ENO4: variants seen among roughly 807,000 people sequenced by gnomAD.
The protein encoded by ENO4 is 2-phospho-D-glycerate hydro-lyase.
In ENO4, 53 loss-of-function variants were observed where a neutral mutation model predicts 63.2. The ratio of observed to expected loss-of-function variants is 0.84; its 90% confidence interval spans 0.67 to 1.05. ENO4 has a LOEUF of 1.05. Ranked by LOEUF, ENO4 falls within the 50% of genes least tolerant of loss-of-function variation. The pLI, the probability that ENO4 is intolerant of heterozygous loss-of-function variation, is 0.00. For missense variants in ENO4, 719 were observed against 772.0 expected (o/e 0.93, Z 0.81); for synonymous variants, 266 against 283.8 (o/e 0.94, Z 0.63).
chr10:116,856,460 G>A (rs1846259972), intron 2 of ENO4, 32 bp from the exon 3 acceptor site: 2 of 1,512,160 alleles, frequency 1.3e-6, no homozygotes, highest in South Asian at 2.4e-5. Context: ...GAGAGGTAGG[G>A]AAAGTGTTGA....
intron 10 of ENO4, among the ~76,000 whole-genome samples, chr10:116,904,896 A>G (rs1847900422): frequency 6.6e-6 from 1 of 152,198 alleles, no homozygotes; most frequent in Admixed American, 6.5e-5. Flanking sequence ...GCACATCAAC[A>G]AAGTCCTTAA....
chr10:116,868,997 G>T (rs1846618448), intron 8 of ENO4, among the ~76,000 whole-genome samples: 1 of 152,190 alleles, frequency 6.6e-6, no homozygotes, highest in Non-Finnish European at 1.5e-5. Context: ...TAGGGGAAGT[G>T]TTTGGGAAGT....
chr10:116,895,170 T>C lies in ENO4; in HGVS notation c.1194+15184T>C, dbSNP rs150267863. ...GTGATTCACCTTTGTATTATCATATTATCATTTAGTAAAAGCATCTTTCTA... is the reference window on the plus strand; with the variant it reads ...GTGATTCACCTTTGTATTATCATATCATCATTTAGTAAAAGCATCTTTCTA... On this transcript the variant is annotated intron_variant, in intron 10 of 10. Coordinates refer to the ENO4 transcript ENST00000369207. Among the ~76,000 whole-genome samples, 3 of 152,348 alleles carry C rather than the reference T, an allele frequency of 2.0e-5. No individual in the cohort carries two copies. In the East Asian group the frequency reaches 5.8e-4, roughly 29 times the overall value.
chr10:116,899,128 C>T (rs1847628566), intron 10 of ENO4, among the ~76,000 whole-genome samples: 1 of 152,054 alleles, frequency 6.6e-6, no homozygotes. Flanking sequence ...GTGTGTAAGA[C>T]ACACCAGTAG....
chr10:116,853,768 G>A (rs1159257891), intron 1 of ENO4, among the ~76,000 whole-genome samples: 5 of 152,118 alleles, frequency 3.3e-5, no homozygotes, highest in South Asian at 2.1e-4. Flanking sequence ...AAGAATCCAC[G>A]GATAGCTTGA....
downstream of ENO4, chr10:116,886,061 T>G (rs900448348): frequency 2.5e-6 from 1 of 402,804 alleles, no homozygotes; most frequent in Non-Finnish European, 4.4e-6. Flanking sequence ...AACATCTGAA[T>G]TTTTTTGTAA....
intron 10 of ENO4, chr10:116,900,751 TAGTCA>T: frequency 1.0e-6 from 1 of 984,332 alleles, no homozygotes; most frequent in African/African-American, 1.7e-5. Flanking sequence ...CAAATGACTC[TAGTCA>T]AAAGAAAGGA....
chr10:116,867,922 T>C (rs1846589617), intron 7 of ENO4, among the ~76,000 whole-genome samples: 1 of 152,212 alleles, frequency 6.6e-6, no homozygotes, highest in Admixed American at 6.5e-5. Flanking sequence ...GCCCTTCTGT[T>C]CAGGGTCACT....
chr10:116,872,089 C>T (rs577789538), intron 9 of ENO4, among the ~76,000 whole-genome samples: 73 of 152,254 alleles, frequency 4.8e-4, no homozygotes, highest in Admixed American at 8.5e-4. Flanking sequence ...CTCAGCTACT[C>T]AGGAGGCTGA....
downstream of ENO4, chr10:116,885,823 GT>G (rs1847147875): frequency 6.5e-6 from 1 of 154,192 alleles, no homozygotes; most frequent in African/African-American, 2.4e-5. Context: ...TGAGTTTTCA[GT>G]TTATCTCAGT....
At chr10:116,877,653 G>C (rs1301992895) in intron 11 of ENO4, among the ~76,000 whole-genome samples, 1 of 152,254 alleles carries the variant, frequency 6.6e-6, no homozygotes, top group Admixed American at 6.5e-5. Flanking sequence ...GAGTCATGAA[G>C]CTGGGATTCA....
At chr10:116,887,941 C>T (rs952016049) in intron 10 of ENO4, among the ~76,000 whole-genome samples, 11 of 152,174 alleles carry the variant, frequency 7.2e-5, no homozygotes, top group African/African-American at 2.7e-4. Flanking sequence ...CTGCATGACC[C>T]GGTCACGGGC....
intron 9 of ENO4, among the ~76,000 whole-genome samples, chr10:116,873,277 C>A (rs1440861398): frequency 6.6e-6 from 1 of 152,168 alleles, no homozygotes; most frequent in Admixed American, 6.5e-5. Flanking sequence ...CCAATGGAAT[C>A]CATTCTATTA....
At position 116,874,152 on chromosome 10, in the gene ENO4, TCAA is replaced by T. The variant is rs772899611; in HGVS notation, c.1296_1298del (p.Asn432del). 52 of 1,549,598 alleles carry T rather than the reference TCAA, an allele frequency of 3.4e-5. No individual in the cohort carries two copies. The highest frequency in any genetic ancestry group is 3.9e-5 in the Non-Finnish European group (45 of 1,146,248). Reference sequence around the variant, plus strand: ...ATGGTTGACCTGTATGTGGATCTGATCAACAAGTACCCTTCAATTATTGCCTTA... The same window carrying T: ...ATGGTTGACCTGTATGTGGATCTGATCAAGTACCCTTCAATTATTGCCTTA... On this transcript the variant is annotated inframe_deletion, in exon 10 of 14. Coordinates refer to ENST00000341276, the MANE Select transcript of ENO4 (RefSeq NM_001242699.2).
Position 116,881,689 on chromosome 10 carries a change from T to C in ENO4, c.*20T>C, listed in dbSNP as rs910901730. 3.4e-6 allele frequency: 5 copies of C among 1,469,100 alleles called. No homozygotes were observed. Among genetic ancestry groups the C allele is most frequent in the Middle Eastern group, 1.8e-4 (1 of 5,704 alleles). The allele number at this position is 1,469,100 out of a possible 1,614,324, so 91.0% of individuals were successfully genotyped here. On this transcript the variant is annotated 3_prime_UTR_variant, in exon 14 of 14. Coordinates refer to ENST00000341276, the MANE Select transcript of ENO4 (RefSeq NM_001242699.2). ...GGATAGGGCTGTACACACCCCAGGT[T>C]CCAGCCACACCATCAGTATTAGTAG...
chr10:116,852,525 C>CT lies in ENO4; in HGVS notation c.165+2799dup, dbSNP rs559160231. On this transcript the variant is annotated intron_variant, in intron 1 of 13. Coordinates refer to ENST00000341276, the MANE Select transcript of ENO4 (RefSeq NM_001242699.2). ...GAAACTACACTTCCAGTGTGAACAC[C>CT]TTTTTGTAAGTCCCTCCCACACTGA... Among the ~76,000 whole-genome samples, 134 of 152,300 alleles carry CT rather than the reference C, an allele frequency of 8.8e-4. 2 individuals are homozygous for CT. The South Asian group carries it at 0.027, about 30-fold the overall frequency.
chr10:116,880,953 T>C (rs1846988651), intron 13 of ENO4, among the ~76,000 whole-genome samples: 1 of 152,182 alleles, frequency 6.6e-6, no homozygotes, highest in African/African-American at 2.4e-5. Flanking sequence ...TGCAGCCGCC[T>C]CAGTATTCCA....
intron 12 of ENO4, 50 bp downstream of exon 12, chr10:116,879,408 T>A: frequency 2.2e-6 from 3 of 1,392,672 alleles, no homozygotes; most frequent in South Asian, 2.6e-5. Context: ...TATCACGAAT[T>A]GGTATTTCAG....
chr10:116,862,472 T>G (rs545747025), intron 6 of ENO4, among the ~76,000 whole-genome samples: 52 of 147,944 alleles, frequency 3.5e-4, no homozygotes, highest in South Asian at 6.4e-4. Context: ...AAAAAAAAAA[T>G]AAAAAAGAAA....
Sources: gnomAD v4.1 joint callset for allele counts (sites outside exome capture counted in the v4.1 genomes callset) on GRCh38, gnomAD v4.1.1 for gene constraint, MANE v1.5 for transcripts, NCBI Gene and HGNC (gene_info 2026-07-23, HGNC 2026-07-21) for gene names.